NEBL: variants seen among roughly 807,000 people sequenced by gnomAD.
NEBL encodes nebulette.
A neutral mutation model predicts 140.2 loss-of-function variants in NEBL; 122 were observed. The ratio of observed to expected loss-of-function variants is 0.87; its 90% CI spans 0.75 to 1.01. The LOEUF is 1.01. NEBL is among the 50% of genes least tolerant of loss of function. The probability of loss-of-function intolerance (pLI) is 0.00; values close to 1 mark genes in which losing one functional copy is unlikely to be tolerated. For missense variants in NEBL, 1,365 were observed against 1,231.3 expected (o/e 1.11, Z -1.62); for synonymous variants, 436 against 398.9 (o/e 1.09, Z -1.11).
intron 2 of NEBL, among the ~76,000 whole-genome samples, chr10:21,071,701 C>G (rs766338887): frequency 1.3e-5 from 2 of 152,182 alleles, no homozygotes; most frequent in Non-Finnish European, 2.9e-5. Context: ...TTTACTAGGG[C>G]TGCCATAAAG....
intron 2 of NEBL, chr10:21,029,715 T>C (rs1589152431): frequency 2.2e-6 from 2 of 906,088 alleles, no homozygotes; most frequent in South Asian, 2.7e-5. Flanking sequence ...GGTATTGGTA[T>C]GAGTATCGGG....
intron 3 of NEBL, among the ~76,000 whole-genome samples, chr10:20,974,128 G>C (rs1836693175): frequency 6.6e-6 from 1 of 152,156 alleles, no homozygotes; most frequent in African/African-American, 2.4e-5. Context: ...TCTGTGAATA[G>C]TAGAGTCAGG....
At chr10:21,027,628 C>T (rs1163052623) in intron 2 of NEBL, among the ~76,000 whole-genome samples, 1 of 152,148 alleles carries the variant, frequency 6.6e-6, no homozygotes, top group African/African-American at 2.4e-5. Flanking sequence ...CCACACCTGG[C>T]CATATTTTTA....
At chr10:21,070,585 G>C (rs944135097) in intron 2 of NEBL, among the ~76,000 whole-genome samples, 3 of 151,918 alleles carry the variant, frequency 2.0e-5, no homozygotes, top group Non-Finnish European at 2.9e-5. Flanking sequence ...TAACCTAAGT[G>C]GGCGATTAGA....
rs1166330110 is a variant in NEBL, at chr10:20,783,734, TCA to T, written c.*2011_*2012del. 6.6e-6 allele frequency: 1 copy of T among 152,612 alleles called. No individual in the cohort carries two copies. The highest frequency in any genetic ancestry group is 1.5e-5 in the Non-Finnish European group (1 of 68,020). 9.5% of individuals were successfully genotyped at this position (152,612 alleles called of 1,614,324 possible). On this transcript the variant is annotated 3_prime_UTR_variant, in exon 28 of 28. Coordinates refer to ENST00000377122, the MANE Select transcript of NEBL (RefSeq NM_006393.3). ...ATAAAATTGAGCAGGTATTTTATCC[TCA>T]GTTTTAACGACAGATTTTTTTGCAA...
At chr10:20,942,058 T>G (rs1227853283) in intron 4 of NEBL, among the ~76,000 whole-genome samples, 2 of 152,186 alleles carry the variant, frequency 1.3e-5, no homozygotes, top group Non-Finnish European at 2.9e-5. Flanking sequence ...AAGCTACCAA[T>G]GACTTTCTTC....
chr10:20,828,739 A>T, intron 16 of NEBL, 105 bp from the exon 17 acceptor site: 1 of 761,528 alleles, frequency 1.3e-6, no homozygotes, highest in East Asian at 2.7e-5. Flanking sequence ...AGAGAGTAAA[A>T]AACTGTTTTT....
chr10:21,075,955 G>A (rs1213572350), intron 2 of NEBL, among the ~76,000 whole-genome samples: 2 of 152,050 alleles, frequency 1.3e-5, no homozygotes, highest in Non-Finnish European at 2.9e-5. Flanking sequence ...AATCATTAGG[G>A]AAATGCAAAT....
rs145654179 is a variant in NEBL at position 20,997,437 on chromosome 10, C to T, written c.249+22680G>A. 4.9e-3 allele frequency among the ~76,000 whole-genome samples: 660 copies of T among 134,534 alleles called. 5 individuals are homozygous for T. The highest frequency in any genetic ancestry group is 0.017 in the African/African-American group (635 of 36,454). The allele number at this position is 134,534 out of a possible 152,430, so 88.3% of individuals were successfully genotyped here. A position where few individuals can be genotyped will look rare whatever the true frequency, so the allele number is the denominator to read the frequency against. ...CCATTAGGTACCCCCATCCCTACAG[C>T]CGCAAACCACACCAAATAAACGCAC... On this transcript the variant is annotated intron_variant, in intron 3 of 6. Transcript: ENST00000417816.
At chr10:21,246,389 T>C (rs943378277) in intron 3 of NEBL, among the ~76,000 whole-genome samples, 6 of 152,178 alleles carry the variant, frequency 3.9e-5, no homozygotes, top group African/African-American at 1.2e-4. Flanking sequence ...AAATGTTACG[T>C]CATACAAAAA....
intron 2 of NEBL, among the ~76,000 whole-genome samples, chr10:21,034,656 G>A (rs1451261716): frequency 6.6e-6 from 1 of 152,238 alleles, no homozygotes; most frequent in Non-Finnish European, 1.5e-5. Flanking sequence ...TCCTTGGGGA[G>A]AGGAGGAAAC....
In NEBL at chr10:20,808,577, T is replaced by A; in HGVS notation, c.2694A>T (p.Ser898=). The A allele has an allele frequency of 6.2e-7, 1 of 1,613,794 alleles. No homozygotes were observed. The highest frequency in any genetic ancestry group is 2.2e-5 in the East Asian group (1 of 44,856). Residue 898 remains serine (S), a synonymous_variant, in exon 26 of 28, where the codon TCA becomes TCT. Transcript: ENST00000377122. The part of the protein sequence containing the change: ...TFGTGLGDDR[S]EISEIYPSFS... ...AGCTAGGGTAAATCTCGGAGATTTC[T>A]GACCTGTCGTCTCCGAGACCTGTAC... is the stretch of plus-strand genomic sequence containing the variant.
chr10:21,085,988 C>A (rs562946931), intron 2 of NEBL, among the ~76,000 whole-genome samples: 1 of 151,802 alleles, frequency 6.6e-6, no homozygotes, highest in Non-Finnish European at 1.5e-5. Flanking sequence ...TGTATCTGTA[C>A]TTTTCCTTGT....
chr10:21,108,690 G>C (rs1038355426), intron 2 of NEBL, among the ~76,000 whole-genome samples: 2 of 152,204 alleles, frequency 1.3e-5, no homozygotes, highest in African/African-American at 4.8e-5. Context: ...GCTTGGTCCA[G>C]AGCTGGGTTC....
intron 1 of NEBL, among the ~76,000 whole-genome samples, chr10:21,261,646 CA>C (rs879365999): frequency 8.1e-4 from 105 of 129,336 alleles, no homozygotes; most frequent in Admixed American, 8.9e-4. Context: ...GACCCTGTCT[CA>C]AAAAAAAAAA....
Position 21,151,001 on chromosome 10 carries a change from T to A in NEBL, c.164+21382A>T, listed in dbSNP as rs902445639. Among the ~76,000 whole-genome samples, 4 of 152,224 alleles carry A rather than the reference T, an allele frequency of 2.6e-5. No homozygotes were observed. The East Asian group carries it at 7.7e-4, about 29-fold the overall frequency. The stretch of plus-strand genomic sequence containing the variant: ...AATTAATGACCACCACTCAGAAATA[T>A]ACAGATTGTTAGGGCAATTCCCTGA... On this transcript the variant is annotated intron_variant, in intron 2 of 6. Transcript: ENST00000417816.
chr10:21,179,536 G>A (rs1285580319), upstream of NEBL, among the ~76,000 whole-genome samples: 1 of 150,614 alleles, frequency 6.6e-6, no homozygotes, highest in African/African-American at 2.5e-5. Context: ...AAAACTCCTT[G>A]AGGAGATAGA....
chr10:21,231,412 C>T (rs563658179), intron 3 of NEBL, among the ~76,000 whole-genome samples: 3 of 152,108 alleles, frequency 2.0e-5, no homozygotes, highest in South Asian at 2.1e-4. Flanking sequence ...TGGTGGCACA[C>T]GCCTGTAATC....
Position 20,845,349 on chromosome 10 carries a change from A to G in NEBL, c.1136T>C (p.Phe379Ser), listed in dbSNP as rs1841811308. ...TGACCTTCCTTTAATCTCCTTCTCA[A>G]AATCCTCTTTGTAAACTTTCTGTTA... ...MQSEKVYKED[F>S]EKEIKGRSSL... The change falls in exon 12 of 28, where the codon TTT becomes TCT. Residue 379 changes from phenylalanine (F) to serine (S), a missense_variant. This residue lies in a region of NEBL where 1,323 missense variants were observed against 1,154.8 expected (regional missense o/e 1.15). Transcript: ENST00000377122. 6.3e-7 allele frequency: 1 copy of G among 1,596,520 alleles called. No individual in the cohort carries two copies. The highest frequency in any genetic ancestry group is 8.6e-7 in the Non-Finnish European group (1 of 1,164,544).
Sources: gnomAD v4.1 joint callset for allele counts (sites outside exome capture counted in the v4.1 genomes callset) on GRCh38, gnomAD v4.1.1 for gene constraint, gnomAD v4.1.1 regional missense constraint, MANE v1.5 for transcripts, NCBI Gene and HGNC (gene_info 2026-07-23, HGNC 2026-07-21) for gene names.